SGCD: variants seen among roughly 807,000 people sequenced by gnomAD.
SGCD encodes sarcoglycan delta.
Under a neutral mutation model 36.6 loss-of-function variants are expected in SGCD, and 18 were observed. The ratio of observed to expected loss-of-function variants is 0.49; its 90% CI spans 0.34 to 0.73. The LOEUF is 0.73. Among genes scored for constraint, SGCD ranks in the 30% least tolerant of loss-of-function variants. The pLI is 0.01. For synonymous variants in SGCD, 133 were observed against 130.6 expected, an observed-to-expected ratio of 1.02 and a Z score of -0.12; for missense variants, 387 against 346.7, an observed-to-expected ratio of 1.12 and a Z score of -0.92.
At chr5:156,331,030 A>C (rs1044344526) in intron 2 of SGCD, among the ~76,000 whole-genome samples, 1 of 152,238 alleles carries the variant, frequency 6.6e-6, no homozygotes, top group African/African-American at 2.4e-5. Flanking sequence ...AAATATGTCA[A>C]ATATATTAAT....
chr5:155,888,668 C>T (rs1756059418), intron 1 of SGCD, among the ~76,000 whole-genome samples: 1 of 152,084 alleles, frequency 6.6e-6, no homozygotes, highest in Admixed American at 6.5e-5. Flanking sequence ...TTAGATTCTT[C>T]TCTGTGTCTC....
chr5:155,737,295 CA>C, the SGCD span, among the ~76,000 whole-genome samples: 2 of 152,078 alleles, frequency 1.3e-5, no homozygotes, highest in Non-Finnish European at 2.9e-5. Context: ...ACAAAAGTTT[CA>C]AAAAATATAA....
At chr5:156,098,208 G>A (rs1309316007) in intron 1 of SGCD, among the ~76,000 whole-genome samples, 1 of 152,164 alleles carries the variant, frequency 6.6e-6, no homozygotes, top group Non-Finnish European at 1.5e-5. Flanking sequence ...ACCCATCACA[G>A]AGTCAGTATT....
intron 3 of SGCD, among the ~76,000 whole-genome samples, chr5:156,468,579 C>A (rs1035735026): frequency 6.6e-6 from 1 of 152,114 alleles, no homozygotes; most frequent in Non-Finnish European, 1.5e-5. Context: ...TTTGAATCAT[C>A]CCCGTTGAAT....
intron 4 of SGCD, among the ~76,000 whole-genome samples, chr5:156,539,079 A>C (rs768480155): frequency 3.9e-4 from 59 of 151,922 alleles, no homozygotes; most frequent in Non-Finnish European, 6.3e-4. Flanking sequence ...TAAAATCAGG[A>C]CAAAAAAACA....
intron 1 of SGCD, among the ~76,000 whole-genome samples, chr5:155,880,525 C>T (rs1275489361): frequency 6.6e-6 from 1 of 152,142 alleles, no homozygotes; most frequent in East Asian, 1.9e-4. Flanking sequence ...TGTCACAGAG[C>T]ACTGCCAAAA....
intron 1 of SGCD, among the ~76,000 whole-genome samples, chr5:155,942,904 A>G (rs1355280672): frequency 1.3e-5 from 2 of 152,206 alleles, no homozygotes; most frequent in African/African-American, 2.4e-5. Flanking sequence ...GTAGAGTACA[A>G]TGTGTTCATA....
intron 7 of SGCD, among the ~76,000 whole-genome samples, chr5:156,695,519 A>G (rs201425385): frequency 0.091 from 472 of 5,166 alleles, 1 homozygote; most frequent in Middle Eastern, 1. Flanking sequence ...ATGGATAGAT[A>G]GATAGATAGA....
intron 3 of SGCD, among the ~76,000 whole-genome samples, chr5:156,238,088 A>G (rs1305708612): frequency 2.0e-5 from 3 of 151,866 alleles, no homozygotes; most frequent in Non-Finnish European, 4.4e-5. Context: ...TAGAACCACA[A>G]GTATGCACCA....
At chr5:155,890,272 G>A (rs1756093844) in intron 1 of SGCD, among the ~76,000 whole-genome samples, 1 of 150,216 alleles carries the variant, frequency 6.7e-6, no homozygotes, top group Admixed American at 6.6e-5. Flanking sequence ...ACTCATTATG[G>A]CCAAGCCTTA....
At chr5:156,271,360 C>CT (rs1219158248) in intron 3 of SGCD, among the ~76,000 whole-genome samples, 1 of 152,026 alleles carries the variant, frequency 6.6e-6, no homozygotes, top group African/African-American at 2.4e-5. Context: ...GTGCATTGGT[C>CT]TACAGGTTCG....
rs1489359029 is a variant in SGCD, at chr5:156,766,475, G to A, written c.*7085G>A. The A allele has an allele frequency of 6.6e-6, 1 of 151,258 alleles. No individual in the cohort carries two copies. The highest frequency in any genetic ancestry group is 6.6e-5 in the Admixed American group (1 of 15,144). The allele number at this position is 151,258 out of a possible 1,614,324, so 9.4% of individuals were successfully genotyped here. On this transcript the variant is annotated 3_prime_UTR_variant, in exon 9 of 9. Transcript: ENST00000337851. ...AGAATTCTCCTCCCCAGAGCACTCA[G>A]GCCGTTACTACCAATTTATCTGAGT...
At chr5:155,899,322 A>G (rs1756334672) in intron 1 of SGCD, among the ~76,000 whole-genome samples, 1 of 152,188 alleles carries the variant, frequency 6.6e-6, no homozygotes, top group African/African-American at 2.4e-5. Flanking sequence ...CTGAAATGAG[A>G]ATGCATGTAA....
intron 3 of SGCD, among the ~76,000 whole-genome samples, chr5:156,229,991 T>C (rs1480826085): frequency 2.0e-5 from 3 of 152,232 alleles, no homozygotes; most frequent in Admixed American, 2.0e-4. Flanking sequence ...TCTGTAAGTA[T>C]GTCCGTTGTT....
At chr5:156,309,197 G>A (rs76362912) in intron 3 of SGCD, among the ~76,000 whole-genome samples, 5,064 of 152,130 alleles carry the variant, frequency 0.033, 226 homozygotes, top group African/African-American at 0.097. Context: ...AATTTGGGAA[G>A]TTTTCAGCCA....
chr5:156,324,079 C>G (rs959984364), upstream of SGCD, among the ~76,000 whole-genome samples: 2 of 152,042 alleles, frequency 1.3e-5, no homozygotes, highest in African/African-American at 4.8e-5. Flanking sequence ...ATATGAAAAG[C>G]AGATATGTCA....
the SGCD span, among the ~76,000 whole-genome samples, chr5:155,745,720 TAAGAA>T: frequency 6.6e-6 from 1 of 152,100 alleles, no homozygotes; most frequent in South Asian, 2.1e-4. Flanking sequence ...CAAAGTTTAC[TAAGAA>T]AAGGAAAAAC....
chr5:155,886,208 G>T (rs1187282744), intron 1 of SGCD, among the ~76,000 whole-genome samples: 1 of 152,114 alleles, frequency 6.6e-6, no homozygotes, highest in Non-Finnish European at 1.5e-5. Context: ...AAAATACAGG[G>T]GTATAGGATA....
chr5:156,344,837 G>A (rs1169113598), intron 3 of SGCD, among the ~76,000 whole-genome samples, 160 bp downstream of exon 3: 3 of 152,176 alleles, frequency 2.0e-5, no homozygotes, highest in African/African-American at 7.2e-5. Context: ...GATTGAATAT[G>A]GATATTGACT....
Sources: gnomAD v4.1 joint callset for allele counts (sites outside exome capture counted in the v4.1 genomes callset) on GRCh38, gnomAD v4.1.1 for gene constraint, MANE v1.5 for transcripts, NCBI Gene and HGNC (gene_info 2026-07-23, HGNC 2026-07-21) for gene names.